The following ACAD10 variants were observed in gnomAD, a reference collection of about 807,000 sequenced individuals.
ACAD10 encodes acyl-CoA dehydrogenase family member 10, also known as ACAD-10.
A neutral mutation model predicts 116.8 loss-of-function variants in ACAD10; 112 were observed. That is an observed-to-expected ratio of 0.96 (90% CI 0.82 to 1.12). The LOEUF (loss-of-function observed/expected upper bound fraction) is 1.12, where lower values mean the gene tolerates loss of function less well. Among genes scored for constraint, ACAD10 ranks in the 50% most tolerant of loss-of-function variants. The pLI, the probability that ACAD10 is intolerant of heterozygous loss-of-function variation, is 0.00. For synonymous variants in ACAD10, 486 were observed against 510.6 expected, an observed-to-expected ratio of 0.95 and a Z score of 0.65; for missense variants, 1,259 against 1,350.2, an observed-to-expected ratio of 0.93 and a Z score of 1.06.
chr12:111,749,009 A>G, intron 17 of ACAD10, 164 bp from the exon 18 acceptor site: 1 of 1,612,218 alleles, frequency 6.2e-7, no homozygotes. Flanking sequence ...TGTGTTTAAC[A>G]GGCTGTTTCC....
At chr12:111,699,060 G>A (rs1247660262) in intron 2 of ACAD10, among the ~76,000 whole-genome samples, 1 of 151,946 alleles carries the variant, frequency 6.6e-6, no homozygotes, top group Non-Finnish European at 1.5e-5. Context: ...TGTATTTTTT[G>A]TAGAGATGGG....
intron 2 of ACAD10, among the ~76,000 whole-genome samples, chr12:111,694,863 G>A (rs990411256): frequency 6.6e-6 from 1 of 151,978 alleles, no homozygotes; most frequent in Admixed American, 6.6e-5. Context: ...TTGTCTCTAC[G>A]AAAAATACAA....
At chr12:111,723,140 G>T (rs1247302923) in intron 8 of ACAD10, among the ~76,000 whole-genome samples, 1 of 146,410 alleles carries the variant, frequency 6.8e-6, no homozygotes, top group Non-Finnish European at 1.5e-5. Flanking sequence ...AGCCGGGCGG[G>T]GGGCTGACCC....
chr12:111,740,782 C>CA (rs751899672), intron 12 of ACAD10, among the ~76,000 whole-genome samples: 7,416 of 50,136 alleles, frequency 0.15, 812 homozygotes, highest in East Asian at 0.64. Flanking sequence ...GACTCCATCT[C>CA]AAAAAAAAAA....
At chr12:111,737,130 G>T in intron 12 of ACAD10, 126 bp downstream of exon 12, 1 of 725,696 alleles carries the variant, frequency 1.4e-6, no homozygotes, top group Non-Finnish European at 2.1e-6. Context: ...GATTCTCTGA[G>T]GTTCAGTTAA....
chr12:111,717,633 A>T (rs1293470452), intron 7 of ACAD10, among the ~76,000 whole-genome samples: 2 of 150,564 alleles, frequency 1.3e-5, no homozygotes, highest in Non-Finnish European at 2.9e-5. Flanking sequence ...TGGTGTGATG[A>T]TACCTCACTA....
At chr12:111,690,740 G>A (rs28680388) in intron 1 of ACAD10, among the ~76,000 whole-genome samples, 12,079 of 148,082 alleles carry the variant, frequency 0.082, 1,653 homozygotes, top group African/African-American at 0.29. Flanking sequence ...AGCCAAATTC[G>A]TGCCACTACA....
chr12:111,713,643 A>G (rs1240758478), intron 6 of ACAD10, among the ~76,000 whole-genome samples: 4 of 145,416 alleles, frequency 2.8e-5, no homozygotes, highest in Non-Finnish European at 4.6e-5. Context: ...AAAGGAAAAG[A>G]AAAAAAAAAA....
At chr12:111,690,780 C>CAAAAAA (rs540935938) in intron 1 of ACAD10, among the ~76,000 whole-genome samples, 8 of 63,536 alleles carry the variant, frequency 1.3e-4, no homozygotes, top group African/African-American at 4.2e-4. Flanking sequence ...GTGAGACTCT[C>CAAAAAA]AAAAAAAAAA....
chr12:111,728,760 G>A (rs1177500037), intron 9 of ACAD10, among the ~76,000 whole-genome samples: 1 of 151,994 alleles, frequency 6.6e-6, no homozygotes, highest in East Asian at 1.9e-4. Flanking sequence ...TGTGATCTCG[G>A]CTCACTGCAG....
intron 3 of ACAD10, among the ~76,000 whole-genome samples, chr12:111,704,688 C>CTTTTTTTTTTTTTTTTTTTTTT: frequency 7.9e-6 from 1 of 126,154 alleles, no homozygotes; most frequent in Non-Finnish European, 1.6e-5. Flanking sequence ...TTCTTTCTTT[C>CTTTTTTTTTTTTTTTTTTTTTT]TTTTTTTTTT....
At chr12:111,733,289 T>G (rs895864475) in intron 10 of ACAD10, among the ~76,000 whole-genome samples, 5 of 151,984 alleles carry the variant, frequency 3.3e-5, no homozygotes, top group African/African-American at 9.7e-5. Flanking sequence ...TTTGTAGAGA[T>G]AGGATCTTGT....
intron 10 of ACAD10, among the ~76,000 whole-genome samples, chr12:111,733,579 G>A (rs138935884): frequency 1.3e-4 from 20 of 152,272 alleles, no homozygotes; most frequent in African/African-American, 3.8e-4. Context: ...ACCTTTTGTG[G>A]GAGGAGTGTC....
At chr12:111,716,452 A>T (rs1344495819) in intron 7 of ACAD10, among the ~76,000 whole-genome samples, 1 of 152,252 alleles carries the variant, frequency 6.6e-6, no homozygotes, top group South Asian at 2.1e-4. Context: ...CAGCGTTTTC[A>T]TACTTTCAGA....
chr12:111,732,533 C>T (rs774575908), intron 10 of ACAD10, among the ~76,000 whole-genome samples: 1 of 152,076 alleles, frequency 6.6e-6, no homozygotes, highest in Non-Finnish European at 1.5e-5. Flanking sequence ...AACAAAAAAG[C>T]ACGTACAATA....
intron 10 of ACAD10, 145 bp from the exon 11 acceptor site, chr12:111,733,778 C>A: frequency 1.2e-5 from 11 of 916,586 alleles, no homozygotes; most frequent in Non-Finnish European, 1.7e-5. Flanking sequence ...GCCTTTGGAG[C>A]ACACAGCCCA....
intron 13 of ACAD10, 40 bp from the exon 14 acceptor site, chr12:111,746,104 T>G (rs761914208): frequency 1.3e-6 from 2 of 1,596,140 alleles, no homozygotes; most frequent in South Asian, 2.3e-5. Context: ...TAAAATGAAA[T>G]CTTCCACTGT....
intron 8 of ACAD10, among the ~76,000 whole-genome samples, chr12:111,725,495 T>C (rs1214184992): frequency 6.6e-6 from 1 of 151,908 alleles, no homozygotes; most frequent in East Asian, 1.9e-4. Flanking sequence ...GGCTGGATGA[T>C]AGAGTGAGAC....
In ACAD10 at chr12:111,756,380, C is replaced by T; in HGVS notation, c.3087C>T (p.Phe1029=). 1 of 1,611,928 alleles carries T rather than the reference C, an allele frequency of 6.2e-7. No homozygotes were observed. Among genetic ancestry groups the T allele is most frequent in the Non-Finnish European group, 8.5e-7 (1 of 1,179,672 alleles). ...GLSSDYPLAQ[F]FTWARALRFA... The stretch of plus-strand genomic sequence containing the variant: ...GCAGCGACTACCCACTGGCTCAGTT[C>T]TTCACCTGGGCCCGAGCCCTGCGCT... The change falls in exon 21 of 21, where the codon TTC becomes TTT. Residue 1029 remains phenylalanine, a synonymous_variant. Transcript: ENST00000313698.
Sources: gnomAD v4.1 joint callset for allele counts (sites outside exome capture counted in the v4.1 genomes callset) on GRCh38, gnomAD v4.1.1 for gene constraint, MANE v1.5 for transcripts, NCBI Gene and HGNC (gene_info 2026-07-23, HGNC 2026-07-21) for gene names.